BRIP1: variants seen among roughly 807,000 people sequenced by gnomAD.
BRIP1 encodes the protein BRCA1 interacting DNA helicase 1.
BRIP1 carries 88 observed loss-of-function variants against 119.7 expected under a neutral mutation model. That is an observed-to-expected ratio of 0.74 (90% confidence interval 0.62 to 0.88). The LOEUF (loss-of-function observed/expected upper bound fraction) is 0.88, where lower values mean the gene tolerates loss of function less well. BRIP1 is among the 40% of genes least tolerant of loss of function. BRIP1 has a pLI of 0.00. For synonymous variants in BRIP1, 443 were observed against 496.5 expected, an observed-to-expected ratio of 0.89 and a Z score of 1.43; for missense variants, 1,259 against 1,455.4, an observed-to-expected ratio of 0.87 and a Z score of 2.20.
At chr17:61,715,715 A>C (rs1603293193) in intron 17 of BRIP1, among the ~76,000 whole-genome samples, 1 of 152,200 alleles carries the variant, frequency 6.6e-6, no homozygotes, top group East Asian at 1.9e-4. Flanking sequence ...TTGTTAGATC[A>C]ATCACAAAAT....
In BRIP1 at chr17:61,795,077, G is replaced by A. The variant is rs2077879639; in HGVS notation, c.1341-1348C>T. On this transcript the variant is annotated intron_variant, in intron 9 of 19. Transcript: ENST00000259008. This position sits in a 1 kb window ranked among gnomAD's most constrained non-coding sequence, Gnocchi z 5.6. ...ATAAGAAATCTGAATTTATTCAAAGGGCAATGGGAAGGCTTGGGTTTTAAT... is the reference window on the plus strand; with the variant it reads ...ATAAGAAATCTGAATTTATTCAAAGAGCAATGGGAAGGCTTGGGTTTTAAT... Among the ~76,000 whole-genome samples, 1 of 151,936 alleles carries A rather than the reference G, an allele frequency of 6.6e-6. No individual in the cohort carries two copies. The highest frequency in any genetic ancestry group is 6.6e-5 in the Admixed American group (1 of 15,222).
intron 6 of BRIP1, among the ~76,000 whole-genome samples, chr17:61,818,828 A>G (rs1412245707): frequency 6.6e-6 from 1 of 152,222 alleles, no homozygotes; most frequent in African/African-American, 2.4e-5. Context: ...GGTGCTCAAC[A>G]TCACTGATCA....
In BRIP1 at chr17:61,748,368, A is replaced by C. The variant is rs1262572804; in HGVS notation, c.2098-3777T>G. ...TCCACAAAACCAGTCCCTGGTGCTA[A>C]GAAGGTTGGGGACCATTGATTTTAA... On this transcript the variant is annotated intron_variant, in intron 14 of 19. Coordinates refer to ENST00000259008, the MANE Select transcript of BRIP1 (RefSeq NM_032043.3). The surrounding 1 kb of genome is among the most constrained non-coding windows in gnomAD (Gnocchi z 4.7). Among the ~76,000 whole-genome samples, 2 of 152,228 alleles carry C rather than the reference A, an allele frequency of 1.3e-5. No individual in the cohort carries two copies. Among genetic ancestry groups the C allele is most frequent in the African/African-American group, 4.8e-5 (2 of 41,454 alleles).
At position 61,841,826 on chromosome 17, in the gene BRIP1, G is replaced by A. The variant is rs1173479857; in HGVS notation, c.627+5275C>T. 2.0e-5 allele frequency among the ~76,000 whole-genome samples: 3 copies of A among 152,044 alleles called. No individual in the cohort carries two copies. The highest frequency in any genetic ancestry group is 4.8e-5 in the African/African-American group (2 of 41,364). Reference sequence around the variant, plus strand: ...CCCAAGTAGCTAGGACTGCAGGCACGTACCACCACGCCTGGCTAATTTTTT... The same window carrying A: ...CCCAAGTAGCTAGGACTGCAGGCACATACCACCACGCCTGGCTAATTTTTT... On this transcript the variant is annotated intron_variant, in intron 6 of 19. Transcript: ENST00000259008. This position sits in a 1 kb window ranked among gnomAD's most constrained non-coding sequence, Gnocchi z 4.1.
rs2144302578 is a variant in BRIP1, at chr17:61,706,496, ACCT to A, written c.2492+9452_2492+9454del. On this transcript the variant is annotated intron_variant, in intron 17 of 19. Transcript: ENST00000259008. This position sits in a 1 kb window ranked among gnomAD's most constrained non-coding sequence, Gnocchi z 5.7. ...AAACATAACTGTCCTTTCCCTACCC[ACCT>A]CCTGTTTACAATTCCCATTCCTCAG... Among the ~76,000 whole-genome samples, 1 of 151,886 alleles carries A rather than the reference ACCT, an allele frequency of 6.6e-6. No homozygotes were observed. Among genetic ancestry groups the A allele is most frequent in the South Asian group, 2.1e-4 (1 of 4,810 alleles).
In BRIP1 at chr17:61,756,199, T is replaced by C. The variant is rs1206932107; in HGVS notation, c.2098-11608A>G. On this transcript the variant is annotated intron_variant, in intron 14 of 19. Transcript: ENST00000259008. This position sits in a 1 kb window ranked among gnomAD's most constrained non-coding sequence, Gnocchi z 4.3. ...ATTCTCATTGCAGGTGACACTTGAATTACACATTTAGACAGCTTAACTATT... is the reference window on the plus strand; with the variant it reads ...ATTCTCATTGCAGGTGACACTTGAACTACACATTTAGACAGCTTAACTATT... Among the ~76,000 whole-genome samples, 1 of 152,200 alleles carries C rather than the reference T, an allele frequency of 6.6e-6. No homozygotes were observed. Among genetic ancestry groups the C allele is most frequent in the Non-Finnish European group, 1.5e-5 (1 of 68,024 alleles).
At chr17:61,833,542 G>C (rs2078523725) in intron 6 of BRIP1, among the ~76,000 whole-genome samples, 1 of 151,916 alleles carries the variant, frequency 6.6e-6, no homozygotes, top group African/African-American at 2.4e-5. Context: ...ATGGTGGCAG[G>C]CACCTGTAAT....
chr17:61,763,173 A>C (rs1256430779), intron 14 of BRIP1, among the ~76,000 whole-genome samples: 2 of 152,100 alleles, frequency 1.3e-5, no homozygotes, highest in African/African-American at 4.8e-5. Flanking sequence ...TGCCGTTTTT[A>C]TGACGAGCTT....
At chr17:61,712,456 C>T (rs1451451111) in intron 17 of BRIP1, among the ~76,000 whole-genome samples, 5 of 151,896 alleles carry the variant, frequency 3.3e-5, no homozygotes, top group African/African-American at 9.7e-5. Flanking sequence ...TCAGGTGATC[C>T]ACCCGCCTCC....
chr17:61,850,021 G>GTACCCTCCT (rs1415263170), intron 4 of BRIP1, among the ~76,000 whole-genome samples: 3 of 151,348 alleles, frequency 2.0e-5, no homozygotes, highest in Non-Finnish European at 4.4e-5. Context: ...ATTCTTAAAG[G>GTACCCTCCT]TACCCTCCTT....
rs1184269397 is a variant in BRIP1 at position 61,778,580 on chromosome 17, G to A, written c.1935+1681C>T. Among the ~76,000 whole-genome samples the A allele has an allele frequency of 6.6e-6, 1 of 152,108 alleles. No homozygotes were observed. The highest frequency in any genetic ancestry group is 2.4e-5 in the African/African-American group (1 of 41,432). On this transcript the variant is annotated intron_variant, in intron 13 of 19. Transcript: ENST00000259008. The surrounding 1 kb of genome is among the most constrained non-coding windows in gnomAD (Gnocchi z 4.4). ...TGCACAACTACATTATTATAATTCA[G>A]CGACATTATAGGTTAAATGGACTTT... is the stretch of plus-strand genomic sequence containing the variant.
intron 18 of BRIP1, among the ~76,000 whole-genome samples, chr17:61,688,679 G>C (rs1288182631): frequency 6.7e-6 from 1 of 150,362 alleles, no homozygotes; most frequent in Non-Finnish European, 1.5e-5. Context: ...ACCATACAAG[G>C]TTACAAGAAA....
chr17:61,763,662 C>A (rs906982099), intron 14 of BRIP1, among the ~76,000 whole-genome samples: 1 of 152,036 alleles, frequency 6.6e-6, no homozygotes, highest in African/African-American at 2.4e-5. Context: ...TTTTGAAAGA[C>A]TTTTCAAAAA....
rs2078999381 is a variant in BRIP1 at position 61,863,508 on chromosome 17, A to G, written c.-255T>C. ...ACCCACCAGACCCCTCAACCACACA[A>G]CCCGAGACGAATTCCCGCCTCCCGC... is the stretch of plus-strand genomic sequence containing the variant. On this transcript the variant is annotated 5_prime_UTR_variant, in exon 1 of 20. Coordinates refer to ENST00000259008, the MANE Select transcript of BRIP1 (RefSeq NM_032043.3). 1 of 150,418 alleles carries G rather than the reference A, an allele frequency of 6.6e-6. No homozygotes were observed. The highest frequency in any genetic ancestry group is 2.1e-4 in the South Asian group (1 of 4,676). 9.3% of individuals were successfully genotyped at this position (150,418 alleles called of 1,614,324 possible).
rs369340666 is a variant in BRIP1 at position 61,780,979 on chromosome 17, A to G, written c.1655T>C (p.Ile552Thr). 5.6e-5 allele frequency: 90 copies of G among 1,613,944 alleles called. No individual in the cohort carries two copies. Among genetic ancestry groups the G allele is most frequent in the Non-Finnish European group, 6.9e-5 (82 of 1,180,032 alleles). Residue 552 changes from isoleucine to threonine, a missense_variant, in exon 12 of 20, where the codon ATT becomes ACT. Transcript: ENST00000259008. This position sits in a 1 kb window ranked among gnomAD's most constrained non-coding sequence, Gnocchi z 5.4. ...SRFADDYKIAIQQTYSWTNQI... is the reference protein window; with the variant it reads ...SRFADDYKIATQQTYSWTNQI... ...ATTTGTCCAGGAGTAAGTCTGTTGA[A>G]TCGCAATTTTATAATCATCTGCAAA...
intron 16 of BRIP1, among the ~76,000 whole-genome samples, chr17:61,737,879 G>A (rs2076939252): frequency 6.6e-6 from 1 of 152,144 alleles, no homozygotes; most frequent in African/African-American, 2.4e-5. Flanking sequence ...TTTGCCATGT[G>A]CGGTAGAAAT....
intron 8 of BRIP1, among the ~76,000 whole-genome samples, chr17:61,800,880 A>T (rs2070756325): frequency 6.6e-6 from 1 of 152,218 alleles, no homozygotes; most frequent in Admixed American, 6.5e-5. Context: ...CACAAATGCC[A>T]TTATCTGAAG....
At position 61,776,289 on chromosome 17, in the gene BRIP1, C is replaced by T. The variant is rs1483924429; in HGVS notation, c.2097+112G>A. 2 of 1,166,874 alleles carry T rather than the reference C, an allele frequency of 1.7e-6. No homozygotes were observed. Among genetic ancestry groups the T allele is most frequent in the Admixed American group, 3.7e-5 (2 of 54,362 alleles). The allele number at this position is 1,166,874 out of a possible 1,614,324, so 72.3% of individuals were successfully genotyped here. On this transcript the variant is annotated intron_variant, in intron 14 of 19. Transcript: ENST00000259008. This position sits in a 1 kb window ranked among gnomAD's most constrained non-coding sequence, Gnocchi z 5.0. Reference sequence around the variant, plus strand: ...ATGTTTAGAAAACTATAGTTATTACCTTGTTGCCTCTACCCTAGGAAGCTT... The same window carrying T: ...ATGTTTAGAAAACTATAGTTATTACTTTGTTGCCTCTACCCTAGGAAGCTT...
Position 61,859,799 on chromosome 17 carries a change from T to C in BRIP1, c.202A>G (p.Ser68Gly). 1.2e-6 allele frequency: 2 copies of C among 1,606,486 alleles called. No homozygotes were observed. The highest frequency in any genetic ancestry group is 4.5e-5 in the East Asian group (2 of 44,802). The part of the protein sequence containing the change: ...CSALAWQQSL[S>G]GKPADEGVSE... ...AAGATATCAAGCAACTACTTACCAC[T>C]AAGAGATTGTTGCCATGCTAAAGCA... Residue 68 changes from serine to glycine, a missense_variant, in exon 3 of 20, where the codon AGT (serine) becomes GGT (glycine). Physicochemically the swap from Ser to Gly is moderately conservative, Grantham distance 56. This residue lies in a region of BRIP1 where 501 missense variants were observed against 544.0 expected (regional missense o/e 0.92). Transcript: ENST00000259008.
Sources: gnomAD v4.1 joint callset for allele counts (sites outside exome capture counted in the v4.1 genomes callset) on GRCh38, gnomAD v4.1.1 for gene constraint, gnomAD v4.1.1 regional missense constraint, Gnocchi (gnomAD v3.1) non-coding constraint, MANE v1.5 for transcripts, NCBI Gene and HGNC (gene_info 2026-07-23, HGNC 2026-07-21) for gene names.